Variants in COL4A1 observed in about 807,000 individuals in gnomAD.
COL4A1 encodes collagen alpha-1(IV) chain.
A neutral mutation model predicts 216.6 loss-of-function variants in COL4A1; 40 were observed. That is an observed-to-expected ratio of 0.18 (90% CI 0.14 to 0.24). COL4A1 has a LOEUF of 0.24. COL4A1 is among the 10% of genes least tolerant of loss of function. COL4A1 has a pLI of 1.00. For missense variants in COL4A1, 1,628 were observed against 2,196.8 expected (o/e 0.74, Z 5.18); for synonymous variants, 839 against 810.7 (o/e 1.03, Z -0.59).
intron 39 of COL4A1, 42 bp from the exon 40 acceptor site, chr13:110,174,040 A>C: frequency 5.1e-4 from 817 of 1,586,626 alleles, no homozygotes; most frequent in Non-Finnish European, 6.4e-4. Context: ...ATAACCTCTC[A>C]CAGCACCCTA....
intron 1 of COL4A1, among the ~76,000 whole-genome samples, chr13:110,282,837 A>G (rs982600337): frequency 6.6e-6 from 1 of 152,208 alleles, no homozygotes; most frequent in Admixed American, 6.5e-5. Flanking sequence ...CAATTTGGAA[A>G]TATAATTGTC....
At chr13:110,237,983 C>T (rs895578791) in intron 2 of COL4A1, among the ~76,000 whole-genome samples, 1 of 152,210 alleles carries the variant, frequency 6.6e-6, no homozygotes, top group African/African-American at 2.4e-5. Context: ...CCAGCCTTTT[C>T]AAATCAGATA....
chr13:110,219,680 GTATATATATGTA>G (rs1880291416), intron 2 of COL4A1, among the ~76,000 whole-genome samples: 1 of 61,652 alleles, frequency 1.6e-5, no homozygotes, highest in African/African-American at 5.3e-5. Context: ...ATATATATGT[GTATATATATGTA>G]TATATATGTA....
intron 1 of COL4A1, among the ~76,000 whole-genome samples, chr13:110,245,088 C>T (rs1375560081): frequency 6.6e-6 from 1 of 152,168 alleles, no homozygotes; most frequent in Non-Finnish European, 1.5e-5. Context: ...CACAACAGCA[C>T]TGTGGGACAA....
intron 37 of COL4A1, 73 bp downstream of exon 37, chr13:110,175,145 T>TGCTGAGCATTTCTCAGGCAGCATCTCC: frequency 6.4e-7 from 1 of 1,572,650 alleles, no homozygotes; most frequent in Non-Finnish European, 8.7e-7. Flanking sequence ...CTGAGATATT[T>TGCTGAGCATTTCTCAGGCAGCATCTCC]GCTGAGCATT....
At chr13:110,228,641 C>G (rs1206627085) in intron 2 of COL4A1, among the ~76,000 whole-genome samples, 3 of 152,196 alleles carry the variant, frequency 2.0e-5, no homozygotes, top group Non-Finnish European at 4.4e-5. Flanking sequence ...ATGCTTATAC[C>G]AACTCCCATG....
chr13:110,156,619 T>C (rs1876799089), intron 49 of COL4A1, among the ~76,000 whole-genome samples: 2 of 152,312 alleles, frequency 1.3e-5, no homozygotes, highest in South Asian at 4.1e-4. Context: ...CAGCACAGTG[T>C]TCTGACTAAG....
At chr13:110,262,101 A>G (rs1286800748) in intron 1 of COL4A1, among the ~76,000 whole-genome samples, 2 of 152,168 alleles carry the variant, frequency 1.3e-5, no homozygotes, top group African/African-American at 2.4e-5. Flanking sequence ...TTAGGGGAGG[A>G]ATGGAAAGAG....
chr13:110,172,121 A>G (rs532958611), intron 41 of COL4A1, among the ~76,000 whole-genome samples: 10 of 152,374 alleles, frequency 6.6e-5, no homozygotes, highest in African/African-American at 2.4e-4. Context: ...GCCACGGGCC[A>G]TAAGCATGCC....
Position 110,170,848 on chromosome 13 carries a change from G to A in COL4A1, c.3557-116C>T, listed in dbSNP as rs1393483456. On this transcript the variant is annotated intron_variant, in intron 41 of 51. Transcript: ENST00000375820. The stretch of plus-strand genomic sequence containing the variant: ...CTCATCCTGTAGGTACCGCTCAGAG[G>A]GAGCTTCCAGGGACACCACAGGAAA... The A allele has an allele frequency of 2.8e-6, 3 of 1,081,222 alleles. No individual in the cohort carries two copies. In the African/African-American group the frequency reaches 4.6e-5, roughly 17 times the overall value. 67.0% of individuals were successfully genotyped at this position (1,081,222 alleles called of 1,614,324 possible). A position where few individuals can be genotyped will look rare whatever the true frequency, so the allele number is the denominator to read the frequency against.
chr13:110,234,350 A>G (rs1456120441), intron 2 of COL4A1, among the ~76,000 whole-genome samples: 1 of 152,156 alleles, frequency 6.6e-6, no homozygotes, highest in Non-Finnish European at 1.5e-5. Context: ...TGGGAGGCCG[A>G]GACAGCAAAT....
Position 110,252,452 on chromosome 13 carries a change from T to A in COL4A1, c.85-9718A>T, listed in dbSNP as rs957770813. Among the ~76,000 whole-genome samples the A allele has an allele frequency of 3.2e-4, 24 of 74,538 alleles. 4 individuals carry two copies. In the South Asian group the frequency reaches 0.01, roughly 32 times the overall value. 48.9% of individuals were successfully genotyped at this position (74,538 alleles called of 152,430 possible). ...ATATATGTATAATTATACGTATATG[T>A]ATTATATACATATAATTATATGTAT... On this transcript the variant is annotated intron_variant, in intron 1 of 51. Transcript: ENST00000375820.
intron 1 of COL4A1, among the ~76,000 whole-genome samples, chr13:110,285,838 T>A (rs757983933): frequency 1.9e-4 from 29 of 152,202 alleles, no homozygotes; most frequent in Non-Finnish European, 3.5e-4. Flanking sequence ...CCCATGGTCA[T>A]GTGTGAGTCA....
chr13:110,231,297 G>C (rs1330589273), intron 2 of COL4A1, among the ~76,000 whole-genome samples: 1 of 152,234 alleles, frequency 6.6e-6, no homozygotes, highest in Non-Finnish European at 1.5e-5. Flanking sequence ...GAAGTGAGAA[G>C]GGGGAGGTGA....
intron 2 of COL4A1, among the ~76,000 whole-genome samples, chr13:110,220,776 G>A (rs1211154744): frequency 1.3e-5 from 2 of 152,180 alleles, no homozygotes; most frequent in Non-Finnish European, 2.9e-5. Context: ...AGAACTCAGT[G>A]CTGGAGTCTC....
intron 2 of COL4A1, among the ~76,000 whole-genome samples, chr13:110,219,929 TGTATATGTGTGTGTATATATACAC>T (rs1374736510): frequency 2.9e-5 from 3 of 103,878 alleles, no homozygotes; most frequent in Admixed American, 1.2e-4. Flanking sequence ...TATATATGTA[TGTATATGTGTGTGTATATATACAC>T]ATACATACAT....
At chr13:110,297,966 T>C (rs923164223) in intron 1 of COL4A1, among the ~76,000 whole-genome samples, 17 of 151,670 alleles carry the variant, frequency 1.1e-4, no homozygotes, top group African/African-American at 7.3e-5. Flanking sequence ...TGGTTACAAA[T>C]TGGCTTCTCG....
At chr13:110,271,147 G>A (rs541833621) in intron 1 of COL4A1, among the ~76,000 whole-genome samples, 1 of 152,322 alleles carries the variant, frequency 6.6e-6, no homozygotes, top group Admixed American at 6.5e-5. Flanking sequence ...GCAAATGGGA[G>A]CAAAGGGAAA....
intron 2 of COL4A1, among the ~76,000 whole-genome samples, chr13:110,224,293 G>A (rs1880638298): frequency 6.6e-6 from 1 of 152,136 alleles, no homozygotes; most frequent in Non-Finnish European, 1.5e-5. Context: ...ATCAATAAGA[G>A]GTTAGCTCTC....
Sources: allele counts gnomAD v4.1 joint callset (sites outside exome capture counted in the v4.1 genomes callset), GRCh38; gene constraint gnomAD v4.1.1; transcripts MANE v1.5; gene names NCBI Gene and HGNC (gene_info 2026-07-23, HGNC 2026-07-21).